Variants in JMJD1C observed in about 807,000 individuals in gnomAD.
JMJD1C encodes the protein jumonji domain containing 1C.
Under a neutral mutation model 245.3 loss-of-function variants are expected in JMJD1C, and 31 were observed. The observed-to-expected ratio is 0.13, with a 90% CI of 0.09 to 0.17. JMJD1C has a LOEUF of 0.17. Ranked by LOEUF, JMJD1C falls within the 10% of genes least tolerant of loss-of-function variation. JMJD1C has a pLI of 1.00. For synonymous variants in JMJD1C, 1,057 were observed against 1,017.4 expected (o/e 1.04, Z -0.74); for missense variants, 2,691 against 3,000.2 (o/e 0.90, Z 2.41).
chr10:63,426,705 A>G (rs73296552), intron 1 of JMJD1C, among the ~76,000 whole-genome samples: 9,152 of 152,228 alleles, frequency 0.06, 788 homozygotes, highest in African/African-American at 0.19. Context: ...TACCTTAGCC[A>G]CAGGTTACTT....
At chr10:63,321,839 CCT>C (rs543761477) in intron 2 of JMJD1C, among the ~76,000 whole-genome samples, 1 of 152,110 alleles carries the variant, frequency 6.6e-6, no homozygotes, top group Non-Finnish European at 1.5e-5. Context: ...AAGAGGATGC[CCT>C]CTCTCTTGAC....
At chr10:63,404,941 A>G (rs945131238) in intron 1 of JMJD1C, among the ~76,000 whole-genome samples, 4 of 152,318 alleles carry the variant, frequency 2.6e-5, no homozygotes, top group Non-Finnish European at 4.4e-5. Flanking sequence ...CAATCCAAAA[A>G]GTAGGAGTCT....
chr10:63,212,910 G>A (rs773293049), intron 8 of JMJD1C, among the ~76,000 whole-genome samples: 10 of 149,900 alleles, frequency 6.7e-5, no homozygotes, highest in East Asian at 1.9e-4. Flanking sequence ...AAAATTAGCC[G>A]GGCGCGGTGG....
At chr10:63,323,342 G>C (rs886379448) in intron 2 of JMJD1C, among the ~76,000 whole-genome samples, 2 of 152,122 alleles carry the variant, frequency 1.3e-5, no homozygotes, top group African/African-American at 4.8e-5. Flanking sequence ...TGGCCAACAT[G>C]GTGAAATCCC....
intron 2 of JMJD1C, among the ~76,000 whole-genome samples, chr10:63,355,444 C>A (rs1441312644): frequency 6.6e-6 from 1 of 152,190 alleles, no homozygotes; most frequent in African/African-American, 2.4e-5. Context: ...CATTTAACAT[C>A]ATGACCACAA....
chr10:63,224,568 A>G (rs1262024288), intron 3 of JMJD1C, among the ~76,000 whole-genome samples: 1 of 152,204 alleles, frequency 6.6e-6, no homozygotes, highest in Non-Finnish European at 1.5e-5. Context: ...CTTGAAACAA[A>G]GCCAAATAGG....
intron 1 of JMJD1C, among the ~76,000 whole-genome samples, chr10:63,398,817 G>T (rs1357265718): frequency 6.6e-6 from 1 of 152,044 alleles, no homozygotes; most frequent in Non-Finnish European, 1.5e-5. Flanking sequence ...GCTAATTTTT[G>T]TATTTTTAGT....
At chr10:63,391,536 CAACAAA>C (rs914494602) in intron 1 of JMJD1C, among the ~76,000 whole-genome samples, 5 of 143,652 alleles carry the variant, frequency 3.5e-5, no homozygotes, top group Admixed American at 7.3e-5. Flanking sequence ...ACAACAACAA[CAACAAA>C]AAAGACAATT....
chr10:63,394,349 T>TC, intron 1 of JMJD1C, among the ~76,000 whole-genome samples: 1 of 152,230 alleles, frequency 6.6e-6, no homozygotes, highest in Middle Eastern at 3.4e-3. Context: ...ATGGATAGTC[T>TC]CTTCAACAAA....
intron 2 of JMJD1C, among the ~76,000 whole-genome samples, chr10:63,346,592 C>A (rs1943834596): frequency 6.6e-6 from 1 of 152,216 alleles, no homozygotes; most frequent in South Asian, 2.1e-4. Flanking sequence ...CAATTCACTT[C>A]TGTACCTCAT....
intron 2 of JMJD1C, among the ~76,000 whole-genome samples, chr10:63,294,735 A>AAAACTTT (rs1386475274): frequency 6.6e-6 from 1 of 152,162 alleles, no homozygotes. Context: ...TTAACTTGTT[A>AAAACTTT]TTTATGCATG....
intron 3 of JMJD1C, among the ~76,000 whole-genome samples, chr10:63,233,464 A>G (rs559128327): frequency 6.6e-6 from 1 of 152,250 alleles, no homozygotes; most frequent in Non-Finnish European, 1.5e-5. Context: ...AATTATAATC[A>G]CATTAAAACA....
chr10:63,426,149 A>G (rs1305396533), intron 1 of JMJD1C, among the ~76,000 whole-genome samples: 1 of 151,756 alleles, frequency 6.6e-6, no homozygotes, highest in African/African-American at 2.4e-5. Flanking sequence ...CCAAGGCAGA[A>G]GAATTGCTTG....
intron 13 of JMJD1C, among the ~76,000 whole-genome samples, chr10:63,196,972 A>T (rs1845532869): frequency 6.8e-6 from 1 of 147,644 alleles, no homozygotes; most frequent in African/African-American, 2.5e-5. Flanking sequence ...CATTTTTTGT[A>T]TTTTTTTTTT....
At chr10:63,370,779 A>G (rs1364952138) in intron 2 of JMJD1C, among the ~76,000 whole-genome samples, 3 of 152,250 alleles carry the variant, frequency 2.0e-5, no homozygotes, top group African/African-American at 4.8e-5. Flanking sequence ...CTATCAAAGT[A>G]TATTAACAGA....
At chr10:63,463,215 A>G (rs1301476569) in intron 1 of JMJD1C, among the ~76,000 whole-genome samples, 2 of 152,094 alleles carry the variant, frequency 1.3e-5, no homozygotes, top group East Asian at 3.8e-4. Flanking sequence ...CCCAGGCTAG[A>G]GTGCAGTGGC....
In JMJD1C at chr10:63,434,330, C is replaced by A. The variant is rs181685929; in HGVS notation, c.168+31165G>T. On this transcript the variant is annotated intron_variant, in intron 1 of 25. Transcript: ENST00000399262. ...AACATACGTTACAAACGGCAATGGA[C>A]TAGGTTATGGGAAACAAATTATGTA... Among the ~76,000 whole-genome samples the A allele has an allele frequency of 6.6e-5, 10 of 152,246 alleles. No individual in the cohort carries two copies. The East Asian group carries it at 1.7e-3, about 26-fold the overall frequency.
chr10:63,322,107 GTTCCTTGTATT>G (rs1940942051), intron 2 of JMJD1C, among the ~76,000 whole-genome samples: 1 of 152,138 alleles, frequency 6.6e-6, no homozygotes, highest in Admixed American at 6.5e-5. Context: ...TTTCAAAACA[GTTCCTTGTATT>G]TTCCTGGCTA....
intron 1 of JMJD1C, among the ~76,000 whole-genome samples, chr10:63,426,380 A>T (rs544211679): frequency 6.6e-6 from 1 of 151,988 alleles, no homozygotes; most frequent in African/African-American, 2.4e-5. Context: ...TCTTAAACGT[A>T]AGAGACTGTA....
Sources: allele counts gnomAD v4.1 joint callset (sites outside exome capture counted in the v4.1 genomes callset), GRCh38; gene constraint gnomAD v4.1.1; transcripts MANE v1.5; gene names NCBI Gene and HGNC (gene_info 2026-07-23, HGNC 2026-07-21).